Variants in MAP4K4 observed in about 807,000 individuals in gnomAD.
MAP4K4 encodes mitogen-activated protein kinase kinase kinase kinase 4.
MAP4K4 carries 38 observed loss-of-function variants against 189.6 expected under a neutral mutation model. That is an observed-to-expected ratio of 0.20 (90% CI 0.15 to 0.26). The LOEUF is 0.26. MAP4K4 is among the 10% of genes least tolerant of loss of function. MAP4K4 has a pLI of 1.00. For missense variants in MAP4K4, 1,054 were observed against 1,726.9 expected (o/e 0.61, Z 6.91); for synonymous variants, 610 against 624.3 (o/e 0.98, Z 0.34).
At chr2:101,864,387 T>C (rs2097759750) in intron 17 of MAP4K4, among the ~76,000 whole-genome samples, 1 of 152,226 alleles carries the variant, frequency 6.6e-6, no homozygotes, top group South Asian at 2.1e-4. Flanking sequence ...GCAATATTAA[T>C]GTCAAAATTT....
At chr2:101,730,170 T>C (rs1360055496) in intron 2 of MAP4K4, among the ~76,000 whole-genome samples, 1 of 152,260 alleles carries the variant, frequency 6.6e-6, no homozygotes, top group Non-Finnish European at 1.5e-5. Context: ...CCTTTTTTCA[T>C]ATTCTTAGTC....
intron 27 of MAP4K4, among the ~76,000 whole-genome samples, chr2:101,878,696 A>G (rs2098283610): frequency 6.6e-6 from 1 of 152,180 alleles, no homozygotes. Flanking sequence ...GTCAGATGGC[A>G]TGCAAAATTA....
intron 32 of MAP4K4, among the ~76,000 whole-genome samples, chr2:101,890,602 C>T (rs1223710987): frequency 1.3e-5 from 2 of 149,908 alleles, no homozygotes; most frequent in South Asian, 2.1e-4. Context: ...ATTACAGGAG[C>T]CCACCACCAT....
exon 22 of MAP4K4, chr2:101,869,734 A>G: frequency 6.3e-7 from 1 of 1,594,898 alleles, no homozygotes; most frequent in Non-Finnish European, 8.5e-7. Context: ...GATGAGGAGG[A>G]CGACGATGTG....
intron 2 of MAP4K4, among the ~76,000 whole-genome samples, chr2:101,728,242 G>A (rs1421393311): frequency 6.6e-6 from 1 of 152,126 alleles, no homozygotes; most frequent in African/African-American, 2.4e-5. Context: ...CTCCCCTGGG[G>A]GGCTTGTTAG....
intron 17 of MAP4K4, 83 bp downstream of exon 17, chr2:101,864,134 A>G: frequency 2.7e-6 from 2 of 742,762 alleles, no homozygotes; most frequent in South Asian, 4.1e-5. Flanking sequence ...AATTATGGGT[A>G]TGCAACTTGA....
At chr2:101,892,024 A>C (rs1196929627) in exon 33 of MAP4K4, 1 of 151,676 alleles carries the variant, frequency 6.6e-6, no homozygotes, top group African/African-American at 2.4e-5. Flanking sequence ...AAGGAAAAAA[A>C]AAAAGAAAAA....
chr2:101,890,809 G>A (rs2098554901), intron 32 of MAP4K4, among the ~76,000 whole-genome samples: 4 of 151,798 alleles, frequency 2.6e-5, no homozygotes. Context: ...TGCCCAGGCT[G>A]GAATGCAGTG....
intron 2 of MAP4K4, among the ~76,000 whole-genome samples, chr2:101,776,656 A>G (rs986843916): frequency 7.2e-6 from 1 of 138,770 alleles, no homozygotes. Context: ...ATTTATTGCC[A>G]GGGAGAAGAA....
At chr2:101,871,089 G>A (rs2097997716) in intron 23 of MAP4K4, among the ~76,000 whole-genome samples, 1 of 152,116 alleles carries the variant, frequency 6.6e-6, no homozygotes, top group Non-Finnish European at 1.5e-5. Context: ...TGCCCTAAGT[G>A]TGTTTCATGC....
At chr2:101,834,235 T>TTCCTCCCG in intron 7 of MAP4K4, among the ~76,000 whole-genome samples, 174 bp from the exon 8 acceptor site, 1 of 114,004 alleles carries the variant, frequency 8.8e-6, no homozygotes, top group East Asian at 3.2e-4. Flanking sequence ...CATCCCTCCC[T>TTCCTCCCG]TCCTCCCCTC....
At chr2:101,793,034 G>T (rs979522468) in intron 3 of MAP4K4, among the ~76,000 whole-genome samples, 2 of 152,138 alleles carry the variant, frequency 1.3e-5, no homozygotes, top group Non-Finnish European at 2.9e-5. Flanking sequence ...TATGTGTAAT[G>T]GATGCTTTTG....
At chr2:101,879,832 T>C (rs2098331594) in intron 27 of MAP4K4, among the ~76,000 whole-genome samples, 1 of 88,636 alleles carries the variant, frequency 1.1e-5, no homozygotes, top group African/African-American at 5.0e-5. Flanking sequence ...CAGCTGCTGC[T>C]TTTTTTTTTT....
chr2:101,771,511 TC>T (rs1443597461), intron 2 of MAP4K4, among the ~76,000 whole-genome samples: 2 of 152,232 alleles, frequency 1.3e-5, no homozygotes, highest in Non-Finnish European at 2.9e-5. Context: ...TGTGTTTTCC[TC>T]TGAACCAGCT....
chr2:101,735,109 G>A (rs1371090965), intron 2 of MAP4K4, among the ~76,000 whole-genome samples: 1 of 152,148 alleles, frequency 6.6e-6, no homozygotes, highest in Admixed American at 6.5e-5. Context: ...TTGATTAAGA[G>A]GCTTAATATG....
intron 10 of MAP4K4, among the ~76,000 whole-genome samples, chr2:101,841,561 C>G (rs2096917985): frequency 6.6e-6 from 1 of 152,014 alleles, no homozygotes; most frequent in African/African-American, 2.4e-5. Flanking sequence ...CTCCGCCTCC[C>G]AGGTTCAAGT....
exon 1 of MAP4K4, chr2:101,698,095 C>G (rs760578640): frequency 1.5e-6 from 2 of 1,323,006 alleles, no homozygotes; most frequent in Admixed American, 4.4e-5. Flanking sequence ...CGAACGACTC[C>G]CCTGCAAAAA....
intron 2 of MAP4K4, among the ~76,000 whole-genome samples, chr2:101,773,698 A>G (rs990369258): frequency 6.6e-6 from 1 of 152,034 alleles, no homozygotes; most frequent in Non-Finnish European, 1.5e-5. Flanking sequence ...TATTCTTTCT[A>G]ACTATCTTTT....
chr2:101,819,764 A>G (rs1192414211), intron 3 of MAP4K4, among the ~76,000 whole-genome samples: 1 of 152,148 alleles, frequency 6.6e-6, no homozygotes, highest in African/African-American at 2.4e-5. Flanking sequence ...GCCAGACTTG[A>G]TTATATTTTA....
Sources: gnomAD v4.1 joint callset for allele counts (sites outside exome capture counted in the v4.1 genomes callset) on GRCh38, gnomAD v4.1.1 for gene constraint, MANE v1.5 for transcripts, NCBI Gene and HGNC (gene_info 2026-07-23, HGNC 2026-07-21) for gene names.